The following PDE4DIP variants were observed in gnomAD, a reference collection of about 807,000 sequenced individuals.
The protein encoded by PDE4DIP is myomegalin.
In PDE4DIP, 59 loss-of-function variants were observed where a neutral mutation model predicts 221.4. That is an observed-to-expected ratio of 0.27 (90% CI 0.22 to 0.33). The LOEUF (loss-of-function observed/expected upper bound fraction) is 0.33. Ranked by LOEUF, PDE4DIP falls within the 10% of genes least tolerant of loss-of-function variation. The pLI is 1.00. For synonymous variants in PDE4DIP, 404 were observed against 815.9 expected (o/e 0.50, Z 8.60); for missense variants, 1,036 against 2,154.2 (o/e 0.48, Z 10.28).
In PDE4DIP at chr1:148,953,459, C is replaced by T. The variant is rs782734733; in HGVS notation, c.637-7195C>T. The T allele has an allele frequency of 3.7e-6, 6 of 1,612,376 alleles. No individual in the cohort carries two copies. In the East Asian group the frequency reaches 1.1e-4, roughly 30 times the overall value. ...ACCCGACTTAGCAAGCACAAAGGTACCCCCAGATGGAGAAAGCATGGAGGA... is the reference window on the plus strand; with the variant it reads ...ACCCGACTTAGCAAGCACAAAGGTATCCCCAGATGGAGAAAGCATGGAGGA... On this transcript the variant is annotated intron_variant, in intron 5 of 43. Coordinates refer to ENST00000369354, the Ensembl canonical transcript of PDE4DIP.
At chr1:148,989,635 C>T (rs1214218663) in intron 21 of PDE4DIP, among the ~76,000 whole-genome samples, 1 of 152,196 alleles carries the variant, frequency 6.6e-6, no homozygotes, top group Non-Finnish European at 1.5e-5. Context: ...AGGATCCTGA[C>T]CTCATAGAGC....
exon 44 of PDE4DIP, chr1:149,032,673 A>G (rs1214490286): frequency 4.4e-6 from 1 of 225,560 alleles, no homozygotes; most frequent in African/African-American, 2.2e-5. Context: ...GACTGACCTC[A>G]CTTCAAAGTT....
chr1:148,820,913 C>A (rs1189820763), intron 1 of PDE4DIP, among the ~76,000 whole-genome samples: 2 of 148,060 alleles, frequency 1.4e-5, no homozygotes, highest in Non-Finnish European at 3.0e-5. Flanking sequence ...TGCAGTGGGG[C>A]GATCTCGGCT....
chr1:148,940,986 G>A (rs1258484266), intron 5 of PDE4DIP, among the ~76,000 whole-genome samples: 6 of 139,226 alleles, frequency 4.3e-5, no homozygotes, highest in Non-Finnish European at 7.8e-5. Flanking sequence ...ACTTTGTCCT[G>A]TAACATCCCT....
At chr1:148,983,921 T>G (rs1212491966) in intron 21 of PDE4DIP, 1 of 152,086 alleles carries the variant, frequency 6.6e-6, no homozygotes. Context: ...CCCTTTTGAA[T>G]AATAGCAAAT....
chr1:149,029,904 G>A (rs782555109), exon 42 of PDE4DIP: 43 of 1,527,974 alleles, frequency 2.8e-5, no homozygotes, highest in Middle Eastern at 2.3e-4. Flanking sequence ...GGAGAGCATG[G>A]AGCAGTTCAT....
exon 36 of PDE4DIP, chr1:149,020,168 G>A (rs1553616387): frequency 2.1e-6 from 1 of 479,838 alleles, no homozygotes; most frequent in South Asian, 2.6e-5. Flanking sequence ...GAAACAGAAA[G>A]CCTGAGGGAG....
At chr1:149,010,729 C>T (rs2068364623) in intron 31 of PDE4DIP, 134 bp downstream of exon 34, 1 of 720,832 alleles carries the variant, frequency 1.4e-6, no homozygotes, top group African/African-American at 1.8e-5. Context: ...GAGAAACCAT[C>T]CTCATTTTCC....
intron 1 of PDE4DIP, among the ~76,000 whole-genome samples, chr1:148,815,435 G>T (rs1667499239): frequency 6.8e-6 from 1 of 146,014 alleles, no homozygotes; most frequent in Admixed American, 6.8e-5. Flanking sequence ...TGTAATCCCA[G>T]CTACTCGGGA....
intron 19 of PDE4DIP, 25 bp downstream of exon 22, chr1:148,978,440 A>G: frequency 4.3e-6 from 6 of 1,408,042 alleles, no homozygotes; most frequent in Non-Finnish European, 5.8e-6. Flanking sequence ...TATAAACCTT[A>G]TTTATTTATT....
In PDE4DIP at chr1:148,934,316, AT is replaced by A. The variant is rs1185070474; in HGVS notation, c.518+2030del. The stretch of plus-strand genomic sequence containing the variant: ...AAGACAGTGTCATATTTGAACCCCA[AT>A]TAAAAAAAACTGAACTAAAAACCAA... On this transcript the variant is annotated intron_variant, in intron 4 of 43. Coordinates refer to ENST00000369354, the Ensembl canonical transcript of PDE4DIP. Among the ~76,000 whole-genome samples, 83 of 151,718 alleles carry A rather than the reference AT, an allele frequency of 5.5e-4. 1 individual carries two copies. The highest frequency in any genetic ancestry group is 1.8e-3 in the African/African-American group (76 of 41,328).
At chr1:148,988,159 A>G (rs587743525) in intron 21 of PDE4DIP, among the ~76,000 whole-genome samples, 41 of 152,262 alleles carry the variant, frequency 2.7e-4, no homozygotes, top group African/African-American at 9.9e-4. Context: ...GAATCAGTCA[A>G]GATCATTCAG....
intron 1 of PDE4DIP, among the ~76,000 whole-genome samples, chr1:148,826,006 ATATGATT>A (rs1670448603): frequency 1.1e-5 from 1 of 92,384 alleles, no homozygotes; most frequent in African/African-American, 4.1e-5. Flanking sequence ...TTGCATTAAA[ATATGATT>A]TATCTTGATT....
chr1:149,005,156 G>T (rs781829206), exon 27 of PDE4DIP: 3 of 1,614,018 alleles, frequency 1.9e-6, no homozygotes, highest in Non-Finnish European at 2.5e-6. Flanking sequence ...TCAAGAGCCG[G>T]GTCCGGTCCC....
chr1:149,010,349 G>A (rs1182233924), intron 30 of PDE4DIP, 94 bp from the exon 34 acceptor site: 103 of 1,019,588 alleles, frequency 1.0e-4, no homozygotes, highest in Non-Finnish European at 1.5e-4. Flanking sequence ...CTGAAAGCAA[G>A]ACTCTAGCCC....
upstream of PDE4DIP, among the ~76,000 whole-genome samples, chr1:148,885,520 G>A (rs201100993): frequency 1.6e-3 from 196 of 123,994 alleles, no homozygotes; most frequent in African/African-American, 5.4e-3. Context: ...AGAGGGTGTA[G>A]GGCCTCAGGC....
chr1:148,981,061 C>G (rs1250596115), intron 20 of PDE4DIP, among the ~76,000 whole-genome samples: 1 of 152,190 alleles, frequency 6.6e-6, no homozygotes, highest in East Asian at 1.9e-4. Flanking sequence ...AAGGGGCAAG[C>G]TTTTAAAAAA....
chr1:148,983,831 C>T (rs2061483379), intron 21 of PDE4DIP: 1 of 152,208 alleles, frequency 6.6e-6, no homozygotes. Context: ...TAAATTTTTA[C>T]TTAGGCCATG....
intron 35 of PDE4DIP, 134 bp downstream of exon 38, chr1:149,018,795 C>CA: frequency 1.6e-5 from 6 of 377,718 alleles, no homozygotes; most frequent in Non-Finnish European, 2.3e-5. Context: ...AACCCAAACT[C>CA]ACAGCTATTC....
Sources: gnomAD v4.1 joint callset for allele counts (sites outside exome capture counted in the v4.1 genomes callset) on GRCh38, gnomAD v4.1.1 for gene constraint, MANE v1.5 for transcripts, NCBI Gene and HGNC (gene_info 2026-07-23, HGNC 2026-07-21) for gene names.